Variants in ADAMTSL1 observed in about 807,000 individuals in gnomAD.
ADAMTSL1 encodes the protein ADAMTS like 1, also known as ADAMTS-like protein 1.
A neutral mutation model predicts 201.8 loss-of-function variants in ADAMTSL1; 126 were observed. The observed-to-expected ratio is 0.62, with a 90% CI of 0.54 to 0.72. The LOEUF (loss-of-function observed/expected upper bound fraction) is 0.72. ADAMTSL1 is among the 30% of genes least tolerant of loss of function. The pLI, the probability that ADAMTSL1 is intolerant of heterozygous loss-of-function variation, is 0.00. For missense variants in ADAMTSL1, 2,679 were observed against 2,277.8 expected (o/e 1.18, Z -3.59); for synonymous variants, 1,121 against 903.4 (o/e 1.24, Z -4.32).
rs886805522 is a variant in ADAMTSL1, at chr9:18,355,164, G to A, written c.208-149665G>A. ...CTGAATCCTGCTGTTTCACCTTTTT[G>A]ATACTGCATCTCTTTGTAGAATGGT... On this transcript the variant is annotated intron_variant, in intron 2 of 29. Coordinates refer to the ADAMTSL1 transcript ENST00000680146. Among the ~76,000 whole-genome samples the A allele has an allele frequency of 3.9e-5, 6 of 152,168 alleles. No homozygotes were observed. In the East Asian group the frequency reaches 1.2e-3, roughly 29 times the overall value.
chr9:18,159,253 T>A (rs960264435), intron 1 of ADAMTSL1, among the ~76,000 whole-genome samples: 4 of 152,014 alleles, frequency 2.6e-5, no homozygotes, highest in East Asian at 1.9e-4. Flanking sequence ...AGGAAAAAAA[T>A]TTTTAACCGT....
intron 22 of ADAMTSL1, among the ~76,000 whole-genome samples, chr9:18,828,701 G>T (rs12378644): frequency 2.1e-5 from 2 of 93,350 alleles, no homozygotes; most frequent in Non-Finnish European, 4.3e-5. Flanking sequence ...TATAAAATGT[G>T]TGTGTGTGTA....
chr9:17,924,750 C>G (rs1203940032), intron 1 of ADAMTSL1, among the ~76,000 whole-genome samples: 1 of 137,638 alleles, frequency 7.3e-6, no homozygotes, highest in Non-Finnish European at 1.6e-5. Flanking sequence ...CCATAAAAAC[C>G]CTAGAAGAAA....
intron 1 of ADAMTSL1, among the ~76,000 whole-genome samples, chr9:18,117,821 A>G (rs1825319089): frequency 1.3e-5 from 2 of 152,188 alleles, no homozygotes; most frequent in Non-Finnish European, 2.9e-5. Context: ...TTAAAAATGC[A>G]TGTTACATTG....
intron 3 of ADAMTSL1, among the ~76,000 whole-genome samples, chr9:18,540,418 T>C (rs569477353): frequency 1.3e-5 from 2 of 152,022 alleles, no homozygotes; most frequent in Non-Finnish European, 2.9e-5. Context: ...GGATGGAGGG[T>C]TGCTCTACCT....
chr9:18,843,686 T>G (rs1825883671), intron 23 of ADAMTSL1, among the ~76,000 whole-genome samples: 1 of 150,942 alleles, frequency 6.6e-6, no homozygotes, highest in Admixed American at 6.6e-5. Flanking sequence ...CAGACGTAGA[T>G]GTGGTCTTTT....
intron 19 of ADAMTSL1, among the ~76,000 whole-genome samples, chr9:18,779,933 G>A (rs1821287440): frequency 6.6e-6 from 1 of 152,186 alleles, no homozygotes; most frequent in Non-Finnish European, 1.5e-5. Context: ...GGATTGAAGG[G>A]AATCACGACT....
intron 2 of ADAMTSL1, among the ~76,000 whole-genome samples, chr9:18,455,277 T>G (rs1820557506): frequency 6.6e-6 from 1 of 152,228 alleles, no homozygotes; most frequent in Non-Finnish European, 1.5e-5. Flanking sequence ...AATAGCGTAT[T>G]CATAGTCACG....
intron 15 of ADAMTSL1, among the ~76,000 whole-genome samples, chr9:18,733,054 A>G (rs1421999357): frequency 1.3e-5 from 2 of 152,172 alleles, no homozygotes; most frequent in Admixed American, 6.5e-5. Context: ...TTTAATTCCA[A>G]AGCAGTTACT....
At chr9:18,289,673 G>A (rs1833172125) in intron 2 of ADAMTSL1, among the ~76,000 whole-genome samples, 1 of 152,196 alleles carries the variant, frequency 6.6e-6, no homozygotes, top group African/African-American at 2.4e-5. Context: ...GTATGATCAT[G>A]TTGAGGAGGA....
intron 2 of ADAMTSL1, among the ~76,000 whole-genome samples, chr9:18,236,484 G>A (rs1246424418): frequency 6.6e-6 from 1 of 152,170 alleles, no homozygotes; most frequent in Non-Finnish European, 1.5e-5. Flanking sequence ...GGCTAATACT[G>A]TCCATATCAA....
At chr9:18,684,961 T>A (rs1011740423) in intron 13 of ADAMTSL1, 161 bp downstream of exon 13, 47 of 1,393,194 alleles carry the variant, frequency 3.4e-5, no homozygotes, top group Non-Finnish European at 4.2e-5. Flanking sequence ...TCAAAAAGTG[T>A]TTGTCAAAGC....
At chr9:18,861,090 C>G (rs1168280261) in intron 23 of ADAMTSL1, among the ~76,000 whole-genome samples, 3 of 152,160 alleles carry the variant, frequency 2.0e-5, no homozygotes, top group African/African-American at 4.8e-5. Context: ...ATACAGAGAT[C>G]ATATACACAT....
At chr9:18,378,982 C>G (rs77780402) in intron 2 of ADAMTSL1, among the ~76,000 whole-genome samples, 107 of 152,216 alleles carry the variant, frequency 7.0e-4, no homozygotes, top group African/African-American at 2.3e-3. Flanking sequence ...TGAAACCAGA[C>G]AGAAGCAAGA....
In ADAMTSL1 at chr9:18,688,689, A is replaced by AATATAT. The variant is rs1554730405; in HGVS notation, c.1574+3904_1574+3909dup. On this transcript the variant is annotated intron_variant, in intron 13 of 28. Coordinates refer to ENST00000380548, the MANE Select transcript of ADAMTSL1 (RefSeq NM_001040272.6). ...AAAAAAAAAAAAAAAAAAAAAAAAA[A>AATATAT]ATATATATATATATATATATGACTG... 8.7e-3 allele frequency among the ~76,000 whole-genome samples: 75 copies of AATATAT among 8,634 alleles called. 2 individuals carry two copies. Among genetic ancestry groups the AATATAT allele is most frequent in the African/African-American group, 0.018 (47 of 2,670 alleles). 5.7% of individuals were successfully genotyped at this position (8,634 alleles called of 152,430 possible). A position where few individuals can be genotyped will look rare whatever the true frequency, so the allele number is the denominator to read the frequency against.
At chr9:18,450,713 CT>C (rs145336278) in intron 2 of ADAMTSL1, among the ~76,000 whole-genome samples, 5,755 of 152,218 alleles carry the variant, frequency 0.038, 346 homozygotes, top group African/African-American at 0.13. Context: ...ACTCCCTTTG[CT>C]TTGTTGTCAC....
At chr9:18,310,052 T>A (rs1834060136) in intron 2 of ADAMTSL1, among the ~76,000 whole-genome samples, 1 of 152,080 alleles carries the variant, frequency 6.6e-6, no homozygotes, top group Non-Finnish European at 1.5e-5. Context: ...AACCATCTGA[T>A]CTTTAACAAA....
At chr9:18,615,334 G>GAGGTGACC (rs1433705303) in intron 4 of ADAMTSL1, among the ~76,000 whole-genome samples, 2 of 152,210 alleles carry the variant, frequency 1.3e-5, no homozygotes, top group Non-Finnish European at 2.9e-5. Flanking sequence ...GGAGGGGTAG[G>GAGGTGACC]AGGTGACCGC....
intron 2 of ADAMTSL1, among the ~76,000 whole-genome samples, chr9:18,413,376 G>A (rs967174757): frequency 2.6e-5 from 4 of 152,100 alleles, no homozygotes; most frequent in Middle Eastern, 3.4e-3. Flanking sequence ...TGTTGGCCAG[G>A]CTGGTCTCAA....
Sources: allele counts gnomAD v4.1 joint callset (sites outside exome capture counted in the v4.1 genomes callset), GRCh38; gene constraint gnomAD v4.1.1; transcripts MANE v1.5; gene names NCBI Gene and HGNC (gene_info 2026-07-23, HGNC 2026-07-21).